The following SMYD3 variants were observed in gnomAD, a reference collection of about 807,000 sequenced individuals.
SMYD3 encodes the protein SET and MYND domain containing 3.
A neutral mutation model predicts 57.7 loss-of-function variants in SMYD3; 36 were observed. That is an observed-to-expected ratio of 0.62 (90% confidence interval 0.48 to 0.82). SMYD3 has a LOEUF of 0.82. SMYD3 is among the 40% of genes least tolerant of loss of function. The probability of loss-of-function intolerance (pLI) is 0.00; values close to 1 mark genes in which losing one functional copy is unlikely to be tolerated. For missense variants in SMYD3, 515 were observed against 538.8 expected, an observed-to-expected ratio of 0.96 and a Z score of 0.44; for synonymous variants, 211 against 195.0, an observed-to-expected ratio of 1.08 and a Z score of -0.68.
intron 5 of SMYD3, among the ~76,000 whole-genome samples, chr1:246,246,821 CTATATATA>C (rs1572273048): frequency 6.7e-6 from 1 of 148,542 alleles, no homozygotes; most frequent in African/African-American, 2.5e-5. Flanking sequence ...AACATTTACA[CTATATATA>C]TTTTATACAT....
intron 8 of SMYD3, among the ~76,000 whole-genome samples, chr1:245,892,731 TGAA>T (rs2053470229): frequency 6.6e-6 from 1 of 152,210 alleles, no homozygotes; most frequent in South Asian, 2.1e-4. Context: ...ATAAATTAAC[TGAA>T]AATGGATCAA....
At chr1:246,322,067 T>C (rs1034307282) in intron 5 of SMYD3, among the ~76,000 whole-genome samples, 1 of 152,028 alleles carries the variant, frequency 6.6e-6, no homozygotes, top group African/African-American at 2.4e-5. Context: ...AATAAATCCA[T>C]TTCAAAATCT....
intron 5 of SMYD3, among the ~76,000 whole-genome samples, chr1:245,954,974 T>C (rs1209971620): frequency 1.3e-5 from 2 of 152,212 alleles, no homozygotes; most frequent in Non-Finnish European, 2.9e-5. Context: ...CAAAATTCTC[T>C]CGTGTGACAT....
intron 5 of SMYD3, chr1:245,947,394 C>G (rs566733338): frequency 6.6e-6 from 3 of 457,140 alleles, no homozygotes; most frequent in Non-Finnish European, 1.3e-5. Flanking sequence ...CTTCCTACCC[C>G]GGTCCTCCTC....
At chr1:246,381,121 G>A (rs991065186) in intron 1 of SMYD3, among the ~76,000 whole-genome samples, 2 of 152,202 alleles carry the variant, frequency 1.3e-5, no homozygotes, top group African/African-American at 4.8e-5. Flanking sequence ...AATGGATGAA[G>A]AGGAGCAAAA....
intron 5 of SMYD3, among the ~76,000 whole-genome samples, chr1:246,254,493 A>G (rs2063848007): frequency 6.6e-6 from 1 of 152,154 alleles, no homozygotes; most frequent in African/African-American, 2.4e-5. Flanking sequence ...CCACTGGTCT[A>G]TGTGTCTGTT....
intron 8 of SMYD3, among the ~76,000 whole-genome samples, chr1:245,867,121 T>G (rs888515832): frequency 1.3e-5 from 2 of 152,212 alleles, no homozygotes; most frequent in African/African-American, 2.4e-5. Context: ...GCTGAGAGTA[T>G]CCCGGACTTT....
intron 8 of SMYD3, among the ~76,000 whole-genome samples, chr1:245,896,359 A>G (rs892810429): frequency 7.2e-6 from 1 of 139,118 alleles, no homozygotes; most frequent in Non-Finnish European, 1.5e-5. Flanking sequence ...TAAAATATAA[A>G]AACAGGAACC....
chr1:246,005,616 T>G (rs1462601459), intron 5 of SMYD3, among the ~76,000 whole-genome samples: 1 of 152,236 alleles, frequency 6.6e-6, no homozygotes, highest in African/African-American at 2.4e-5. Flanking sequence ...AGGTCCAGTT[T>G]TCTGCAGAGA....
chr1:246,069,936 G>C (rs2148378511), intron 5 of SMYD3, among the ~76,000 whole-genome samples: 1 of 152,300 alleles, frequency 6.6e-6, no homozygotes, highest in East Asian at 1.9e-4. Context: ...CCTTAGTTTG[G>C]GGGGAAGTGA....
intron 5 of SMYD3, among the ~76,000 whole-genome samples, chr1:246,081,324 GT>G (rs1460546900): frequency 6.6e-6 from 1 of 152,188 alleles, no homozygotes; most frequent in Non-Finnish European, 1.5e-5. Flanking sequence ...CTGTGCTTGT[GT>G]TTACAAACTG....
At position 245,779,032 on chromosome 1, in the gene SMYD3, C is replaced by T. The variant is rs896629260; in HGVS notation, c.1077-14883G>A. Among the ~76,000 whole-genome samples the T allele has an allele frequency of 5.3e-5, 8 of 151,694 alleles. No individual in the cohort carries two copies. In the East Asian group the frequency reaches 1.2e-3, roughly 22 times the overall value. On this transcript the variant is annotated intron_variant, in intron 10 of 11. Transcript: ENST00000490107. ...AATATTAGCTGGGTGTGGTGGCATGCGCTTGTAGTCCCAGCTAATTGAGAG... is the reference window on the plus strand; with the variant it reads ...AATATTAGCTGGGTGTGGTGGCATGTGCTTGTAGTCCCAGCTAATTGAGAG...
At chr1:246,386,814 C>T (rs1018977782) in intron 1 of SMYD3, among the ~76,000 whole-genome samples, 2 of 151,614 alleles carry the variant, frequency 1.3e-5, no homozygotes, top group African/African-American at 2.4e-5. Context: ...CCCCTCCCGC[C>T]GTGTATGATG....
At chr1:246,385,723 G>A (rs183099740) in intron 1 of SMYD3, among the ~76,000 whole-genome samples, 519 of 152,334 alleles carry the variant, frequency 3.4e-3, no homozygotes, top group African/African-American at 0.012. Context: ...GAACTGTGTA[G>A]AGCGGTGCTT....
At chr1:245,879,285 C>G (rs2052647903) in intron 8 of SMYD3, among the ~76,000 whole-genome samples, 1 of 152,190 alleles carries the variant, frequency 6.6e-6, no homozygotes, top group Non-Finnish European at 1.5e-5. Flanking sequence ...GATGACCTAC[C>G]TCATAGGGTG....
intron 5 of SMYD3, among the ~76,000 whole-genome samples, chr1:245,994,071 G>T (rs892067774): frequency 6.6e-6 from 1 of 152,164 alleles, no homozygotes; most frequent in Non-Finnish European, 1.5e-5. Flanking sequence ...GTCTTTTCTG[G>T]TTGGTCCATC....
chr1:245,794,087 A>G (rs1312522652), intron 10 of SMYD3, among the ~76,000 whole-genome samples: 2 of 152,154 alleles, frequency 1.3e-5, no homozygotes, highest in Non-Finnish European at 2.9e-5. Flanking sequence ...TACTCTCCTT[A>G]TCATTTTTAC....
intron 5 of SMYD3, among the ~76,000 whole-genome samples, chr1:246,075,232 T>A (rs1558205324): frequency 6.6e-6 from 1 of 151,912 alleles, no homozygotes; most frequent in South Asian, 2.1e-4. Flanking sequence ...AAATGTGATA[T>A]GAATAAAATG....
chr1:246,216,560 T>C (rs1175106341), intron 5 of SMYD3, among the ~76,000 whole-genome samples: 8 of 152,152 alleles, frequency 5.3e-5, no homozygotes, highest in African/African-American at 1.9e-4. Flanking sequence ...GGCATTGTTA[T>C]AAAAGAGAAC....
Sources: allele counts gnomAD v4.1 joint callset (sites outside exome capture counted in the v4.1 genomes callset), GRCh38; gene constraint gnomAD v4.1.1; transcripts MANE v1.5; gene names NCBI Gene and HGNC (gene_info 2026-07-23, HGNC 2026-07-21).